UGT1A10: variants seen among roughly 807,000 people sequenced by gnomAD.
The protein encoded by UGT1A10 is UDP-glucuronosyltransferase 1A10.
Under a neutral mutation model 45.8 loss-of-function variants are expected in UGT1A10, and 49 were observed. The observed-to-expected ratio is 1.07, with a 90% CI of 0.85 to 1.36. The LOEUF is 1.36. UGT1A10 is among the 40% of genes most tolerant of loss of function. The pLI is 0.00. For missense variants in UGT1A10, 745 were observed against 668.6 expected (o/e 1.11, Z -1.26); for synonymous variants, 284 against 249.7 (o/e 1.14, Z -1.29).
intron 1 of UGT1A10, chr2:233,693,247 G>T: frequency 3.7e-6 from 6 of 1,614,080 alleles, no homozygotes; most frequent in Non-Finnish European, 5.1e-6. Context: ...ATCCAGTGCC[G>T]TATGACCAAG....
At chr2:233,646,857 T>C (rs2073617757) in intron 1 of UGT1A10, among the ~76,000 whole-genome samples, 1 of 152,218 alleles carries the variant, frequency 6.6e-6, no homozygotes, top group Non-Finnish European at 1.5e-5. Flanking sequence ...CCTTCCACGT[T>C]TTCAGGTATC....
chr2:233,743,913 C>G (rs1692584630), intron 1 of UGT1A10: 1 of 1,365,508 alleles, frequency 7.3e-7, no homozygotes, highest in Non-Finnish European at 9.8e-7. Context: ...TAGTAGTCCA[C>G]CATGCTGGAT....
chr2:233,651,888 A>T (rs527907817), intron 1 of UGT1A10, among the ~76,000 whole-genome samples: 1 of 152,300 alleles, frequency 6.6e-6, no homozygotes. Context: ...CAGTAGCAAA[A>T]ACTCATTGAG....
At chr2:233,746,142 G>A (rs1693316730) in intron 1 of UGT1A10, among the ~76,000 whole-genome samples, 1 of 151,850 alleles carries the variant, frequency 6.6e-6, no homozygotes, top group Admixed American at 6.5e-5. Flanking sequence ...GCACCTGAGT[G>A]ATAGCATGAT....
intron 1 of UGT1A10, among the ~76,000 whole-genome samples, chr2:233,686,175 C>T (rs1190850906): frequency 6.6e-6 from 1 of 151,750 alleles, no homozygotes; most frequent in Non-Finnish European, 1.5e-5. Context: ...AATAGAAAAT[C>T]TAAAACTGTA....
At chr2:233,743,087 A>G (rs1244920727) in intron 1 of UGT1A10, 3 of 346,168 alleles carry the variant, frequency 8.7e-6, no homozygotes, top group Non-Finnish European at 1.7e-5. Flanking sequence ...AAGTGTTTAT[A>G]AATTCTTGGG....
rs2077300002 is a variant in UGT1A10 at position 233,724,705 on chromosome 2, G to T, written c.856-42329G>T. On this transcript the variant is annotated intron_variant, in intron 1 of 4. Transcript: ENST00000344644. The stretch of plus-strand genomic sequence containing the variant: ...TGGCGGCCGGGTGAAGACGCTCCTC[G>T]CTTTCCAGACTGGGCAGCCAGGCAG... 1.4e-5 allele frequency among the ~76,000 whole-genome samples: 2 copies of T among 143,500 alleles called. 1 individual carries two copies. Among genetic ancestry groups the T allele is most frequent in the South Asian group, 5.0e-4 (2 of 3,986 alleles). 94.1% of individuals were successfully genotyped at this position (143,500 alleles called of 152,430 possible).
intron 1 of UGT1A10, among the ~76,000 whole-genome samples, chr2:233,738,366 T>C (rs1389802664): frequency 6.6e-6 from 1 of 152,176 alleles, no homozygotes; most frequent in African/African-American, 2.4e-5. Context: ...GGTACTGCTA[T>C]AAAACTACTT....
At chr2:233,770,376 A>T (rs1000336049) in intron 4 of UGT1A10, 3 of 152,228 alleles carry the variant, frequency 2.0e-5, no homozygotes, top group African/African-American at 4.8e-5. Flanking sequence ...AGTTCTGGCC[A>T]GGTACGGTGG....
intron 1 of UGT1A10, among the ~76,000 whole-genome samples, chr2:233,651,995 A>G (rs2073755053): frequency 6.8e-6 from 1 of 147,966 alleles, no homozygotes; most frequent in Non-Finnish European, 1.5e-5. Context: ...TTTAATTAAG[A>G]AAAAAAAAAG....
intron 1 of UGT1A10, chr2:233,692,943 G>C: frequency 1.3e-6 from 2 of 1,597,154 alleles, no homozygotes; most frequent in East Asian, 2.2e-5. Context: ...AAATACCTAG[G>C]AGCCCTGTGA....
At chr2:233,674,552 C>T (rs1230219816) in intron 1 of UGT1A10, among the ~76,000 whole-genome samples, 1 of 151,992 alleles carries the variant, frequency 6.6e-6, no homozygotes, top group Admixed American at 6.6e-5. Context: ...GATATAAAAA[C>T]CTATATATGA....
chr2:233,656,792 C>T (rs1453322), intron 1 of UGT1A10, among the ~76,000 whole-genome samples: 35,492 of 151,966 alleles, frequency 0.23, 4,747 homozygotes, highest in East Asian at 0.52. Context: ...CAGGAGGGTT[C>T]GATTCACTTG....
chr2:233,702,494 C>A (rs374252732), intron 1 of UGT1A10, among the ~76,000 whole-genome samples: 38 of 152,118 alleles, frequency 2.5e-4, no homozygotes, highest in African/African-American at 9.2e-4. Context: ...CCTCTAGTAC[C>A]GTGTTGAATA....
chr2:233,704,953 TG>T (rs1223783947), intron 1 of UGT1A10, among the ~76,000 whole-genome samples: 1 of 152,054 alleles, frequency 6.6e-6, no homozygotes, highest in African/African-American at 2.4e-5. Flanking sequence ...CTGGCCAACA[TG>T]GTGAAACCCC....
intron 1 of UGT1A10, among the ~76,000 whole-genome samples, chr2:233,759,599 A>ACCCCCCCCCCCCCCCCCCCC (rs1553620419): frequency 9.2e-6 from 1 of 108,662 alleles, no homozygotes; most frequent in African/African-American, 3.3e-5. Context: ...CCCACCCCCG[A>ACCCCCCCCCCCCCCCCCCCC]CCCGCCCCAC....
chr2:233,765,364 C>T (rs1321623468), intron 1 of UGT1A10, among the ~76,000 whole-genome samples: 1 of 152,168 alleles, frequency 6.6e-6, no homozygotes, highest in African/African-American at 2.4e-5. Flanking sequence ...CCCAGATGCC[C>T]ATCAATGGTA....
intron 1 of UGT1A10, among the ~76,000 whole-genome samples, chr2:233,667,873 C>T (rs1041850977): frequency 6.6e-6 from 1 of 152,184 alleles, no homozygotes; most frequent in African/African-American, 2.4e-5. Flanking sequence ...ATTAAAAAGT[C>T]AGGAAACAAC....
intron 1 of UGT1A10, chr2:233,647,931 C>G: frequency 6.2e-7 from 1 of 1,603,598 alleles, no homozygotes; most frequent in Non-Finnish European, 8.5e-7. Flanking sequence ...ACTCACTGCC[C>G]ATGGATGGGA....
Sources: gnomAD v4.1 joint callset for allele counts (sites outside exome capture counted in the v4.1 genomes callset) on GRCh38, gnomAD v4.1.1 for gene constraint, MANE v1.5 for transcripts, NCBI Gene and HGNC (gene_info 2026-07-23, HGNC 2026-07-21) for gene names.